The following NCKAP5 variants were observed in gnomAD, a reference collection of about 807,000 sequenced individuals.
NCKAP5 encodes NCK associated protein 5, also known as nck-associated protein 5.
In NCKAP5, 92 loss-of-function variants were observed where a neutral mutation model predicts 167.0. That is an observed-to-expected ratio of 0.55 (90% CI 0.47 to 0.66). NCKAP5 has a LOEUF of 0.66. Ranked by LOEUF, NCKAP5 falls within the 30% of genes least tolerant of loss-of-function variation. The pLI is 0.00. For synonymous variants in NCKAP5, 891 were observed against 877.4 expected (o/e 1.02, Z -0.27); for missense variants, 2,378 against 2,315.0 (o/e 1.03, Z -0.56).
At chr2:132,921,061 T>C (rs976959125) in intron 8 of NCKAP5, among the ~76,000 whole-genome samples, 1 of 151,772 alleles carries the variant, frequency 6.6e-6, no homozygotes, top group Non-Finnish European at 1.5e-5. Flanking sequence ...AGACATTGAC[T>C]GAACTGTATA....
At chr2:133,498,717 C>T (rs954759193) in intron 3 of NCKAP5, among the ~76,000 whole-genome samples, 1 of 152,098 alleles carries the variant, frequency 6.6e-6, no homozygotes, top group African/African-American at 2.4e-5. Context: ...AGAGTAAACA[C>T]AGCAAAGACA....
intron 4 of NCKAP5, among the ~76,000 whole-genome samples, chr2:133,218,525 C>T (rs141086305): frequency 7.9e-5 from 12 of 152,190 alleles, no homozygotes; most frequent in Non-Finnish European, 1.5e-4. Context: ...TTGGAGATAC[C>T]CAGGGTCCCA....
chr2:133,490,462 G>A (rs1324751197), intron 3 of NCKAP5, among the ~76,000 whole-genome samples: 3 of 152,270 alleles, frequency 2.0e-5, no homozygotes, highest in Admixed American at 2.0e-4. Flanking sequence ...AATGTTATGT[G>A]GAGAAAAGTA....
At chr2:133,197,935 C>T (rs1478289047) in intron 5 of NCKAP5, among the ~76,000 whole-genome samples, 6 of 151,256 alleles carry the variant, frequency 4.0e-5, no homozygotes, top group South Asian at 2.1e-4. Context: ...GGTGACAGAG[C>T]GAGACTCCAT....
At chr2:132,833,373 T>C (rs1045692189) in intron 11 of NCKAP5, among the ~76,000 whole-genome samples, 4 of 152,178 alleles carry the variant, frequency 2.6e-5, no homozygotes, top group Admixed American at 6.5e-5. Context: ...TTTAGCTTTA[T>C]ATGGTTTCTT....
At chr2:133,082,353 C>T (rs2080838275) in intron 6 of NCKAP5, among the ~76,000 whole-genome samples, 1 of 152,102 alleles carries the variant, frequency 6.6e-6, no homozygotes, top group Non-Finnish European at 1.5e-5. Context: ...CTGGTGAATA[C>T]AATGTGCTGA....
At chr2:133,208,325 G>A (rs1159381299) in intron 5 of NCKAP5, among the ~76,000 whole-genome samples, 3 of 152,142 alleles carry the variant, frequency 2.0e-5, no homozygotes, top group South Asian at 2.1e-4. Flanking sequence ...GCAACAGAGC[G>A]AGACCCTATC....
intron 6 of NCKAP5, among the ~76,000 whole-genome samples, chr2:133,011,237 T>G (rs1369719481): frequency 2.0e-5 from 3 of 152,224 alleles, no homozygotes; most frequent in African/African-American, 4.8e-5. Flanking sequence ...CATGAGAAAC[T>G]GTGCAGACCT....
chr2:133,354,812 C>T (rs755214676), intron 3 of NCKAP5, among the ~76,000 whole-genome samples: 79 of 152,156 alleles, frequency 5.2e-4, no homozygotes, highest in African/African-American at 1.8e-3. Flanking sequence ...GTCAATAGAG[C>T]GCCAAATGCA....
chr2:133,648,744 A>G, the NCKAP5 span, among the ~76,000 whole-genome samples: 1 of 152,060 alleles, frequency 6.6e-6, no homozygotes, highest in African/African-American at 2.4e-5. Context: ...TTGTGCAGCA[A>G]AAGCAATACT....
chr2:133,634,775 C>A, the NCKAP5 span, among the ~76,000 whole-genome samples: 1 of 152,040 alleles, frequency 6.6e-6, no homozygotes, highest in Non-Finnish European at 1.5e-5. Context: ...GCGTGTATGT[C>A]CCATGTAATA....
intron 8 of NCKAP5, among the ~76,000 whole-genome samples, chr2:132,890,597 T>C (rs1226434054): frequency 6.6e-6 from 1 of 152,160 alleles, no homozygotes; most frequent in African/African-American, 2.4e-5. Context: ...GTGAGTGCAT[T>C]TTCATCTGCT....
intron 3 of NCKAP5, among the ~76,000 whole-genome samples, chr2:133,352,599 C>A (rs938940754): frequency 3.9e-5 from 6 of 152,162 alleles, no homozygotes; most frequent in Admixed American, 6.5e-5. Context: ...ACAGACTTGA[C>A]CCTGACATTA....
At chr2:132,959,554 G>A (rs1392995071) in intron 8 of NCKAP5, among the ~76,000 whole-genome samples, 2 of 152,166 alleles carry the variant, frequency 1.3e-5, no homozygotes, top group African/African-American at 2.4e-5. Context: ...GAAGGGCCAC[G>A]TGGGAGTGTC....
chr2:133,238,749 T>C (rs185122948), intron 4 of NCKAP5, among the ~76,000 whole-genome samples: 5 of 152,352 alleles, frequency 3.3e-5, no homozygotes, highest in African/African-American at 9.6e-5. Context: ...CATGAAGACA[T>C]GTTCCACAGG....
intron 10 of NCKAP5, among the ~76,000 whole-genome samples, chr2:132,868,468 A>C (rs1690530334): frequency 6.6e-6 from 1 of 152,148 alleles, no homozygotes; most frequent in African/African-American, 2.4e-5. Flanking sequence ...TTCCTTTTGT[A>C]GGGTCACCAC....
At chr2:133,196,713 A>G (rs1457890632) in intron 5 of NCKAP5, among the ~76,000 whole-genome samples, 1 of 152,188 alleles carries the variant, frequency 6.6e-6, no homozygotes, top group African/African-American at 2.4e-5. Context: ...ACTCAGAAGT[A>G]TACACCAGAT....
chr2:133,420,479 A>T (rs1273828283), intron 3 of NCKAP5, among the ~76,000 whole-genome samples: 1 of 152,232 alleles, frequency 6.6e-6, no homozygotes, highest in East Asian at 1.9e-4. Flanking sequence ...AATAACTGAT[A>T]CTGGTTATGA....
At chr2:133,430,863 TG>T (rs1690116095) in intron 3 of NCKAP5, among the ~76,000 whole-genome samples, 1 of 139,300 alleles carries the variant, frequency 7.2e-6, no homozygotes, top group South Asian at 2.3e-4. Flanking sequence ...GGGGTGGGGG[TG>T]GAGAGGGAGA....
Sources: gnomAD v4.1 joint callset for allele counts (sites outside exome capture counted in the v4.1 genomes callset) on GRCh38, gnomAD v4.1.1 for gene constraint, MANE v1.5 for transcripts, NCBI Gene and HGNC (gene_info 2026-07-23, HGNC 2026-07-21) for gene names.